The following ZSCAN16 variants were observed in gnomAD, a reference collection of about 807,000 sequenced individuals.
ZSCAN16 encodes the protein zinc finger and SCAN domain containing 16, also known as zinc finger and SCAN domain-containing protein 16.
ZSCAN16 carries 15 observed loss-of-function variants against 19.4 expected under a neutral mutation model. The observed-to-expected ratio is 0.77, with a 90% CI of 0.52 to 1.19. The LOEUF is 1.19. Among genes scored for constraint, ZSCAN16 ranks in the 50% most tolerant of loss-of-function variants. The probability of loss-of-function intolerance (pLI) is 0.00; values close to 1 mark genes in which losing one functional copy is unlikely to be tolerated. For missense variants in ZSCAN16, 327 were observed against 415.7 expected (o/e 0.79, Z 1.86); for synonymous variants, 138 against 146.5 (o/e 0.94, Z 0.42).
intron 2 of ZSCAN16, 118 bp from the exon 3 acceptor site, chr6:28,126,665 A>G: frequency 1.3e-6 from 1 of 747,746 alleles, no homozygotes; most frequent in Non-Finnish European, 1.9e-6. Context: ...TGCCATTTAC[A>G]ATGAAATGAG....
Position 28,125,812 on chromosome 6 carries a change from T to C in ZSCAN16, c.369T>C (p.Leu123=). Residue 123 remains leucine (L), a synonymous_variant, in exon 2 of 4, where the codon CTT becomes CTC. Transcript: ENST00000340487. This position sits in a 1 kb window ranked among gnomAD's most constrained non-coding sequence, Gnocchi z 6.2. The part of the protein sequence containing the change: ...VTVLEDLERE[L]DEPGKQVPGN... ...TACTGGAGGATCTGGAGAGAGAGCT[T>C]GATGAACCTGGAAAGCAGGTGTGAA... is the stretch of plus-strand genomic sequence containing the variant. 1 of 1,606,814 alleles carries C rather than the reference T, an allele frequency of 6.2e-7. No individual in the cohort carries two copies. The highest frequency in any genetic ancestry group is 8.5e-7 in the Non-Finnish European group (1 of 1,176,232).
Sources: allele counts gnomAD v4.1 joint callset, GRCh38; gene constraint gnomAD v4.1.1; non-coding constraint Gnocchi (gnomAD v3.1); transcripts MANE v1.5; gene names NCBI Gene and HGNC (gene_info 2026-07-23, HGNC 2026-07-21).